Variants in HIVEP2 observed in about 807,000 individuals in gnomAD.
HIVEP2 encodes transcription factor HIVEP2.
Under a neutral mutation model 180.7 loss-of-function variants are expected in HIVEP2, and 14 were observed. The observed-to-expected ratio is 0.08, with a 90% CI of 0.05 to 0.12. The LOEUF (loss-of-function observed/expected upper bound fraction) is 0.12. Among genes scored for constraint, HIVEP2 ranks in the 10% least tolerant of loss-of-function variants. The pLI is 1.00. For missense variants in HIVEP2, 2,579 were observed against 3,008.5 expected (o/e 0.86, Z 3.34); for synonymous variants, 1,184 against 1,136.4 (o/e 1.04, Z -0.84).
intron 1 of HIVEP2, among the ~76,000 whole-genome samples, chr6:142,937,378 A>G (rs1171004453): frequency 1.3e-5 from 2 of 152,228 alleles, no homozygotes; most frequent in African/African-American, 4.8e-5. Flanking sequence ...GCTACCAGGT[A>G]TTAAACGTTT....
At chr6:142,825,442 G>A (rs17072033) in intron 2 of HIVEP2, among the ~76,000 whole-genome samples, 2,648 of 152,182 alleles carry the variant, frequency 0.017, 77 homozygotes, top group African/African-American at 0.059. Flanking sequence ...TTCAACCAAT[G>A]ACCTTTCCAG....
At chr6:142,762,495 T>C (rs11759111) in intron 7 of HIVEP2, among the ~76,000 whole-genome samples, 155 of 78,526 alleles carry the variant, frequency 2.0e-3, no homozygotes, top group African/African-American at 2.3e-3. Context: ...CACACACACA[T>C]ACATATAAAT....
Position 142,774,321 on chromosome 6 carries a change from G to A in HIVEP2, c.418C>T (p.Pro140Ser). 1 of 1,614,176 alleles carries A rather than the reference G, an allele frequency of 6.2e-7. No individual in the cohort carries two copies. Among genetic ancestry groups the A allele is most frequent in the Non-Finnish European group, 8.5e-7 (1 of 1,180,030 alleles). Residue 140 changes from proline to serine, a missense_variant, in exon 5 of 10, where the codon CCT becomes TCT. Pro to Ser is a moderately conservative substitution (Grantham distance 74). Around this residue, in one of 11 missense-constraint regions of HIVEP2, gnomAD observed 207 missense variants for 210.1 expected, o/e 0.99. Transcript: ENST00000367603. This position sits in a 1 kb window ranked among gnomAD's most constrained non-coding sequence, Gnocchi z 5.1. ...CCACTGTGGCCATGTATAGGAAAAG[G>A]AAATAAGTCCTCAGAGGCAACGGAT... is the stretch of plus-strand genomic sequence containing the variant. ...LPSVASEDLF[P>S]FPIHGHSGGY...
chr6:142,867,078 T>A (rs1454321452), intron 1 of HIVEP2, among the ~76,000 whole-genome samples: 1 of 152,178 alleles, frequency 6.6e-6, no homozygotes, highest in Non-Finnish European at 1.5e-5. Context: ...GGTGGTAGAA[T>A]TCTTGTAATA....
chr6:142,818,793 A>AAAGAAAGAAAGAAAG (rs1562249294), intron 2 of HIVEP2, among the ~76,000 whole-genome samples: 1 of 131,734 alleles, frequency 7.6e-6, no homozygotes, highest in Non-Finnish European at 1.7e-5. Flanking sequence ...AAGAAAGAAA[A>AAAGAAAGAAAGAAAG]AGAAAAGAAA....
intron 9 of HIVEP2, among the ~76,000 whole-genome samples, chr6:142,758,969 T>A (rs915394387): frequency 6.6e-6 from 1 of 152,092 alleles, no homozygotes; most frequent in African/African-American, 2.4e-5. Flanking sequence ...CAGTTTCACA[T>A]GTCCCCTCAT....
At chr6:142,791,608 A>C (rs1412120995) in intron 2 of HIVEP2, among the ~76,000 whole-genome samples, 2 of 152,222 alleles carry the variant, frequency 1.3e-5, no homozygotes, top group Non-Finnish European at 2.9e-5. Context: ...TCATTCATTC[A>C]GTCAAATTAC....
At chr6:142,779,759 T>TGAA (rs1775798656) in intron 3 of HIVEP2, among the ~76,000 whole-genome samples, 2 of 152,240 alleles carry the variant, frequency 1.3e-5, no homozygotes, top group African/African-American at 4.8e-5. Context: ...AATGAGGTAA[T>TGAA]ACCTTTATAA....
At chr6:142,808,268 C>G (rs1157190995) in intron 2 of HIVEP2, among the ~76,000 whole-genome samples, 1 of 152,128 alleles carries the variant, frequency 6.6e-6, no homozygotes. Context: ...CCAGCTGTTT[C>G]ATGAAACTTG....
chr6:142,827,690 G>A (rs1279125516), intron 2 of HIVEP2, among the ~76,000 whole-genome samples: 2 of 152,200 alleles, frequency 1.3e-5, no homozygotes, highest in Non-Finnish European at 2.9e-5. Context: ...GTGGGAAGGA[G>A]GAAGGAGGTA....
At position 142,771,005 on chromosome 6, in the gene HIVEP2, G is replaced by A. The variant is rs755713862; in HGVS notation, c.3734C>T (p.Pro1245Leu). Residue 1245 changes from proline (P) to leucine (L), a missense_variant, in exon 5 of 10, where the codon CCC becomes CTC. This residue lies in a region of HIVEP2 where 523 missense variants were observed against 577.0 expected (regional missense o/e 0.91). Coordinates refer to ENST00000367603, the MANE Select transcript of HIVEP2 (RefSeq NM_006734.4). This position sits in a 1 kb window ranked among gnomAD's most constrained non-coding sequence, Gnocchi z 5.4. ...AQHPQKSYGK[P>L]SFQTEIHSSY... ...CGAATGGATTTCTGTCTGAAAAGAG[G>A]GCTTGCCATAGCTCTTCTGAGGGTG... 1 of 1,614,192 alleles carries A rather than the reference G, an allele frequency of 6.2e-7. No homozygotes were observed. Among genetic ancestry groups the A allele is most frequent in the Non-Finnish European group, 8.5e-7 (1 of 1,180,046 alleles).
At chr6:142,865,306 C>T (rs1451070137) in intron 1 of HIVEP2, among the ~76,000 whole-genome samples, 1 of 151,908 alleles carries the variant, frequency 6.6e-6, no homozygotes, top group Non-Finnish European at 1.5e-5. Flanking sequence ...GGATGATGCA[C>T]ATTAATGCTG....
At chr6:142,924,173 G>A (rs968908472) in intron 1 of HIVEP2, among the ~76,000 whole-genome samples, 1 of 152,118 alleles carries the variant, frequency 6.6e-6, no homozygotes, top group East Asian at 1.9e-4. Flanking sequence ...TGTTTATTGT[G>A]CATCTGCTAT....
In HIVEP2 at chr6:142,770,839, G is replaced by A; in HGVS notation, c.3900C>T (p.Asp1300=). ...PKNLLPKFPS[D]QSSKSTETPS... ...GCGTTTCAGTTGACTTACTGCTCTG[G>A]TCTGATGGAAACTTTGGAAGAAGGT... Residue 1300 remains aspartate (D), a synonymous_variant, in exon 5 of 10, where the codon GAC becomes GAT. Transcript: ENST00000367603. This position sits in a 1 kb window ranked among gnomAD's most constrained non-coding sequence, Gnocchi z 4.7. 6.2e-7 allele frequency: 1 copy of A among 1,614,174 alleles called. No homozygotes were observed. Among genetic ancestry groups the A allele is most frequent in the Non-Finnish European group, 8.5e-7 (1 of 1,180,028 alleles).
chr6:142,753,670 A>C lies in HIVEP2; in HGVS notation c.6778T>G (p.Phe2260Val). Reference protein sequence around the residue: ...SPTLPLPMEGFEEKKGASGES... With the variant: ...SPTLPLPMEGVEEKKGASGES... ...CCTGACGCGCCTTTCTTCTCCTCAA[A>C]GCCCTCCATTGGCAGGGGCAATGTG... is the stretch of plus-strand genomic sequence containing the variant. The change falls in exon 10 of 10, where the codon TTT becomes GTT. Residue 2260 changes from phenylalanine (F) to valine (V), a missense_variant. Physicochemically the swap from Phe to Val is conservative, Grantham distance 50 (BLOSUM62 -1). Around this residue, in one of 11 missense-constraint regions of HIVEP2, gnomAD observed 660 missense variants for 731.7 expected, o/e 0.90. Coordinates refer to ENST00000367603, the MANE Select transcript of HIVEP2 (RefSeq NM_006734.4). 1 of 1,614,158 alleles carries C rather than the reference A, an allele frequency of 6.2e-7. No individual in the cohort carries two copies. Among genetic ancestry groups the C allele is most frequent in the East Asian group, 2.2e-5 (1 of 44,868 alleles).
intron 2 of HIVEP2, among the ~76,000 whole-genome samples, chr6:142,816,376 T>C (rs1438713239): frequency 6.6e-6 from 1 of 152,178 alleles, no homozygotes; most frequent in Admixed American, 6.5e-5. Flanking sequence ...TTTTCCTTCC[T>C]TATATTTCCT....
chr6:142,893,850 A>G (rs568249931), intron 1 of HIVEP2, among the ~76,000 whole-genome samples: 34 of 152,310 alleles, frequency 2.2e-4, no homozygotes, highest in African/African-American at 6.5e-4. Context: ...ACAGAGAATG[A>G]TAAAGTTCTC....
chr6:142,781,566 C>G (rs1775861901), intron 3 of HIVEP2, among the ~76,000 whole-genome samples: 1 of 152,100 alleles, frequency 6.6e-6, no homozygotes, highest in African/African-American at 2.4e-5. Flanking sequence ...GTCTGGCAGG[C>G]TCATCACACT....
intron 2 of HIVEP2, among the ~76,000 whole-genome samples, chr6:142,821,897 TCAC>T (rs1777049878): frequency 6.6e-6 from 1 of 152,066 alleles, no homozygotes. Flanking sequence ...TGACCACACC[TCAC>T]CACCACCTCC....
Sources: allele counts gnomAD v4.1 joint callset (sites outside exome capture counted in the v4.1 genomes callset), GRCh38; gene constraint gnomAD v4.1.1; regional missense constraint gnomAD v4.1.1; non-coding constraint Gnocchi (gnomAD v3.1); transcripts MANE v1.5; gene names NCBI Gene and HGNC (gene_info 2026-07-23, HGNC 2026-07-21).